GSN: variants seen among roughly 807,000 people sequenced by gnomAD.
GSN encodes the protein actin-depolymerizing factor.
GSN carries 56 observed loss-of-function variants against 85.7 expected under a neutral mutation model. That is an observed-to-expected ratio of 0.65 (90% confidence interval 0.53 to 0.82). GSN has a LOEUF of 0.82. Ranked by LOEUF, GSN falls within the 40% of genes least tolerant of loss-of-function variation. The pLI, the probability that GSN is intolerant of heterozygous loss-of-function variation, is 0.00. For synonymous variants in GSN, 373 were observed against 399.1 expected (o/e 0.93, Z 0.78); for missense variants, 857 against 979.8 (o/e 0.87, Z 1.67).
chr9:121,250,241 G>C (rs2054791715), intron 6 of GSN, among the ~76,000 whole-genome samples: 1 of 124,602 alleles, frequency 8.0e-6, no homozygotes, highest in Non-Finnish European at 1.6e-5. Flanking sequence ...GTCTCACTCT[G>C]TCGCCCAGGC....
At chr9:121,324,789 C>CCATT (rs778508910) in intron 12 of GSN, 145 bp downstream of exon 12, 1 of 665,544 alleles carries the variant, frequency 1.5e-6, no homozygotes, top group Non-Finnish European at 2.8e-6. Context: ...ATCCATCCAT[C>CCATT]CATCCATGGA....
rs150829265 is a variant in GSN at position 121,209,655 on chromosome 9, T to C, written c.-706+258T>C. 4.4e-3 allele frequency among the ~76,000 whole-genome samples: 668 copies of C among 152,330 alleles called. 4 individuals are homozygous for C. Among genetic ancestry groups the C allele is most frequent in the African/African-American group, 0.015 (627 of 41,568 alleles). ...AGGAAACAGCAGCATTTAATACCTA[T>C]GTGAATTATTAAGAGAAAATGAAGC... On this transcript the variant is annotated intron_variant, in intron 2 of 24. Coordinates refer to the GSN transcript ENST00000373823.
At position 121,250,644 on chromosome 9, in the gene GSN, C is replaced by G. The variant is rs149340412; in HGVS notation, c.-341+2321C>G. 1.0e-3 allele frequency among the ~76,000 whole-genome samples: 158 copies of G among 151,782 alleles called. 1 individual carries two copies. The East Asian group carries it at 0.031, about 29-fold the overall frequency. On this transcript the variant is annotated intron_variant, in intron 6 of 24. Coordinates refer to the GSN transcript ENST00000373823. ...CCTCTACTTCCCAGGCTCAAGCCAT[C>G]CTCCTACCTTAGGCTCCCAAGTAGC...
chr9:121,285,146 T>G (rs894460844), intron 2 of GSN: 1 of 167,182 alleles, frequency 6.0e-6, no homozygotes, highest in Non-Finnish European at 1.5e-5. Context: ...ATCTGTGAAA[T>G]GGGGGTGATA....
At position 121,299,915 on chromosome 9, in the gene GSN, G is replaced by A. The variant is rs528765503; in HGVS notation, c.-9-2048G>A. On this transcript the variant is annotated intron_variant, in intron 2 of 17. Coordinates refer to ENST00000432226, the MANE Select transcript of GSN (RefSeq NM_198252.3). This position sits in a 1 kb window ranked among gnomAD's most constrained non-coding sequence, Gnocchi z 4.2. ...TGCTTTGCGCGCTGTCCCTGGCGCTGTGCGCGCTGTCGCTGCCCGTCCGCG... is the reference window on the plus strand; with the variant it reads ...TGCTTTGCGCGCTGTCCCTGGCGCTATGCGCGCTGTCGCTGCCCGTCCGCG... The A allele has an allele frequency of 2.4e-6, 3 of 1,265,382 alleles. No individual in the cohort carries two copies. The highest frequency in any genetic ancestry group is 4.2e-5 in the Admixed American group (1 of 23,642). 78.4% of individuals were successfully genotyped at this position (1,265,382 alleles called of 1,614,324 possible).
Position 121,326,552 on chromosome 9 carries a change from G to T in GSN, c.1457G>T (p.Ser486Ile). ...GGCAAGGAGCCCGCCCACCTCATGAGCCTGTTTGGTGGGAAGCCCATGATC... is the reference window on the plus strand; with the variant it reads ...GGCAAGGAGCCCGCCCACCTCATGATCCTGTTTGGTGGGAAGCCCATGATC... ...VQGKEPAHLM[S>I]LFGGKPMIIY... The change falls in exon 13 of 18, where the codon AGC (serine) becomes ATC (isoleucine). Residue 486 changes from serine (S) to isoleucine (I), a missense_variant. Physicochemically the swap from Ser to Ile is moderately radical, Grantham distance 142. Coordinates refer to ENST00000432226, the MANE Select transcript of GSN (RefSeq NM_198252.3). The T allele has an allele frequency of 6.2e-7, 1 of 1,614,084 alleles. No homozygotes were observed. Among genetic ancestry groups the T allele is most frequent in the Non-Finnish European group, 8.5e-7 (1 of 1,180,018 alleles).
chr9:121,217,900 C>T (rs772412911), intron 4 of GSN, among the ~76,000 whole-genome samples: 1 of 151,320 alleles, frequency 6.6e-6, no homozygotes, highest in Non-Finnish European at 1.5e-5. Flanking sequence ...AATACTGCTA[C>T]CAGGTCTGTT....
chr9:121,252,490 C>G (rs2054861542), intron 6 of GSN, among the ~76,000 whole-genome samples: 1 of 152,212 alleles, frequency 6.6e-6, no homozygotes, highest in African/African-American at 2.4e-5. Flanking sequence ...ATCTATCTAC[C>G]TACTTTCCAC....
In GSN at chr9:121,327,340, C is replaced by T. The variant is rs761517749; in HGVS notation, c.1620C>T (p.Asn540=). Residue 540 remains asparagine, a synonymous_variant, in exon 14 of 18, where the codon AAC becomes AAT. Coordinates refer to ENST00000432226, the MANE Select transcript of GSN (RefSeq NM_198252.3). ...CTAAGGCTGGTGCACTGAACTCCAACGATGCCTTTGTTCTGAAAACCCCCT... is the reference window on the plus strand; with the variant it reads ...CTAAGGCTGGTGCACTGAACTCCAATGATGCCTTTGTTCTGAAAACCCCCT... ...VLPKAGALNS[N]DAFVLKTPSA... 7 of 1,614,028 alleles carry T rather than the reference C, an allele frequency of 4.3e-6. No individual in the cohort carries two copies. Among genetic ancestry groups the T allele is most frequent in the Non-Finnish European group, 5.1e-6 (6 of 1,179,946 alleles).
At chr9:121,313,794 G>T in intron 6 of GSN, 140 bp from the exon 7 acceptor site, 2 of 726,774 alleles carry the variant, frequency 2.8e-6, no homozygotes, top group South Asian at 3.0e-5. Flanking sequence ...GCAGATGCAG[G>T]ATGTGTCTGG....
chr9:121,280,617 G>T (rs907890256), intron 1 of GSN, among the ~76,000 whole-genome samples: 1 of 152,210 alleles, frequency 6.6e-6, no homozygotes, highest in Admixed American at 6.5e-5. Context: ...GCAGGCAAAA[G>T]ACTTAGAAAT....
At chr9:121,300,672 G>A (rs893074780) in intron 2 of GSN, among the ~76,000 whole-genome samples, 1 of 152,146 alleles carries the variant, frequency 6.6e-6, no homozygotes, top group Non-Finnish European at 1.5e-5. Context: ...CAGTGCATGT[G>A]TAATAGCCTC....
chr9:121,240,457 T>C (rs967284245), intron 5 of GSN, among the ~76,000 whole-genome samples: 5 of 152,234 alleles, frequency 3.3e-5, no homozygotes, highest in Non-Finnish European at 7.3e-5. Context: ...GGGTGGCTCC[T>C]GGAACCAAAA....
chr9:121,227,187 A>C (rs2054285449), intron 4 of GSN, among the ~76,000 whole-genome samples: 1 of 152,154 alleles, frequency 6.6e-6, no homozygotes, highest in African/African-American at 2.4e-5. Flanking sequence ...TGAGGTCAGG[A>C]GTTTGAGACC....
intron 1 of GSN, among the ~76,000 whole-genome samples, chr9:121,269,744 CAG>C (rs550072040): frequency 1.4e-3 from 209 of 152,314 alleles, no homozygotes; most frequent in African/African-American, 4.9e-3. Flanking sequence ...CTGTGTGAAT[CAG>C]GGGAGGAAAG....
At chr9:121,320,005 G>T (rs1423585339) in intron 10 of GSN, among the ~76,000 whole-genome samples, 1 of 152,190 alleles carries the variant, frequency 6.6e-6, no homozygotes, top group Non-Finnish European at 1.5e-5. Context: ...TGGCTAGGGA[G>T]AATGCAATGA....
intron 2 of GSN, chr9:121,282,292 T>C (rs770550042): frequency 2.5e-5 from 15 of 601,010 alleles, no homozygotes; most frequent in Non-Finnish European, 3.9e-5. Context: ...GCCAAAGGGC[T>C]TTGTGACCAG....
In GSN at chr9:121,299,767, C is replaced by T; in HGVS notation, c.-9-2196C>T. The T allele has an allele frequency of 2.5e-6, 3 of 1,196,116 alleles. No homozygotes were observed. The highest frequency in any genetic ancestry group is 2.1e-6 in the Non-Finnish European group (2 of 954,746). 74.1% of individuals were successfully genotyped at this position (1,196,116 alleles called of 1,614,324 possible). The stretch of plus-strand genomic sequence containing the variant: ...CCCGCCCCGCGCCCTCCCTGGGGGG[C>T]GGTCCCCGGCTTGGGCGGGATGGGC... On this transcript the variant is annotated intron_variant, in intron 2 of 17. Transcript: ENST00000432226. The surrounding 1 kb of genome is among the most constrained non-coding windows in gnomAD (Gnocchi z 4.2).
intron 2 of GSN, chr9:121,286,066 CT>C: frequency 6.6e-7 from 1 of 1,509,224 alleles, no homozygotes; most frequent in Non-Finnish European, 8.9e-7. Flanking sequence ...CAGACTAATC[CT>C]GAGTCCTATT....
Sources: gnomAD v4.1 joint callset for allele counts (sites outside exome capture counted in the v4.1 genomes callset) on GRCh38, gnomAD v4.1.1 for gene constraint, Gnocchi (gnomAD v3.1) non-coding constraint, MANE v1.5 for transcripts, NCBI Gene and HGNC (gene_info 2026-07-23, HGNC 2026-07-21) for gene names.